Variants in GARIN6 observed in about 807,000 individuals in gnomAD.
GARIN6 encodes the protein Golgi-associated RAB2 interactor protein 6.
At chr12:99,648,285 T>C in the GARIN6 span, 7 of 1,614,032 alleles carry the variant, frequency 4.3e-6, no homozygotes, top group Admixed American at 1.7e-5. Context: ...AAGGCGAGTA[T>C]ACTATATTCA....
the GARIN6 span, chr12:99,648,319 G>A: frequency 8.1e-6 from 13 of 1,614,020 alleles, no homozygotes; most frequent in African/African-American, 1.3e-5. Flanking sequence ...GTTTGAGAGC[G>A]ACTTTATCCA....
the GARIN6 span, chr12:99,648,754 T>C: frequency 6.2e-7 from 1 of 1,613,358 alleles, no homozygotes; most frequent in South Asian, 1.1e-5. Context: ...CACATTGGAC[T>C]CATCTGTGTT....
At chr12:99,648,355 G>A in the GARIN6 span, 2 of 1,614,184 alleles carry the variant, frequency 1.2e-6, no homozygotes, top group African/African-American at 1.3e-5. Context: ...AGAAGTGATT[G>A]ACGTGCACAA....
chr12:99,648,251 G>T, the GARIN6 span: 1 of 1,614,178 alleles, frequency 6.2e-7, no homozygotes, highest in Non-Finnish European at 8.5e-7. Flanking sequence ...ACCTCCATGG[G>T]GAAGCTGCAG....
chr12:99,648,703 G>C, the GARIN6 span: 1 of 1,614,156 alleles, frequency 6.2e-7, no homozygotes, highest in Non-Finnish European at 8.5e-7. Flanking sequence ...GAGACCACCA[G>C]TGGAGGCTTA....
the GARIN6 span, chr12:99,648,425 A>G: frequency 1.2e-6 from 2 of 1,614,018 alleles, no homozygotes; most frequent in African/African-American, 2.7e-5. Flanking sequence ...ACACTACCTG[A>G]TGTCATGCTG....
At chr12:99,649,188 T>G in the GARIN6 span, 1 of 923,694 alleles carries the variant, frequency 1.1e-6, no homozygotes, top group Non-Finnish European at 1.7e-6. Flanking sequence ...CACAACATGT[T>G]TGTGTACTTG....
the GARIN6 span, chr12:99,648,585 GCTC>G: frequency 6.2e-7 from 1 of 1,614,174 alleles, no homozygotes; most frequent in South Asian, 1.1e-5. Context: ...TAAAAAAACA[GCTC>G]CACCTGAAGC....
the GARIN6 span, chr12:99,648,918 G>A: frequency 7.6e-7 from 1 of 1,310,520 alleles, no homozygotes; most frequent in African/African-American, 1.5e-5. Flanking sequence ...AAGGCCAAAT[G>A]AGCTTCCATT....
At chr12:99,649,478 G>A in the GARIN6 span, 1 of 1,150,786 alleles carries the variant, frequency 8.7e-7, no homozygotes. Context: ...GCCTGATGAA[G>A]GGGCAGGGTA....
the GARIN6 span, among the ~76,000 whole-genome samples, chr12:99,649,083 C>T: frequency 6.6e-6 from 1 of 152,286 alleles, no homozygotes; most frequent in African/African-American, 2.4e-5. Flanking sequence ...AGCATCCTGA[C>T]CAGTCTATTC....
At chr12:99,648,223 G>T in the GARIN6 span, 1 of 1,614,144 alleles carries the variant, frequency 6.2e-7, no homozygotes, top group Non-Finnish European at 8.5e-7. Context: ...AAGCAGCCCC[G>T]CAATGGGCAT....
At chr12:99,649,463 A>G in the GARIN6 span, 1 of 1,288,484 alleles carries the variant, frequency 7.8e-7, no homozygotes. Context: ...CATAAAACCT[A>G]TAGTGCCTGA....
chr12:99,648,794 G>C, the GARIN6 span: 1 of 1,605,610 alleles, frequency 6.2e-7, no homozygotes, highest in Non-Finnish European at 8.5e-7. Flanking sequence ...CCAGTGGTGA[G>C]TCTATGCAGA....
At chr12:99,648,256 C>T in the GARIN6 span, 1 of 1,614,214 alleles carries the variant, frequency 6.2e-7, no homozygotes, top group Non-Finnish European at 8.5e-7. Context: ...CATGGGGAAG[C>T]TGCAGCGGCA....
chr12:99,648,739 G>A, the GARIN6 span: 2 of 1,613,854 alleles, frequency 1.2e-6, no homozygotes, highest in Non-Finnish European at 1.7e-6. Context: ...TATCCTAGCT[G>A]GGAACACATT....
the GARIN6 span, chr12:99,647,933 A>C: frequency 1.1e-5 from 6 of 526,112 alleles, no homozygotes; most frequent in East Asian, 1.2e-4. Context: ...TGCTCCTGAC[A>C]GCTCCATGCA....
At chr12:99,649,212 TTTTG>T in the GARIN6 span, 1 of 1,136,114 alleles carries the variant, frequency 8.8e-7, no homozygotes, top group Non-Finnish European at 1.3e-6. Context: ...AATAATTTCT[TTTTG>T]TTGTTTACCT....
the GARIN6 span, chr12:99,648,882 G>A: frequency 1.4e-6 from 2 of 1,454,822 alleles, no homozygotes; most frequent in Non-Finnish European, 1.8e-6. Context: ...GCTCACCTGG[G>A]AAATGCATTG....
Sources: gnomAD v4.1 joint callset for allele counts (sites outside exome capture counted in the v4.1 genomes callset) on GRCh38, gnomAD v4.1.1 for gene constraint, MANE v1.5 for transcripts, NCBI Gene and HGNC (gene_info 2026-07-23, HGNC 2026-07-21) for gene names.